KTN1: variants seen among roughly 807,000 people sequenced by gnomAD.
The protein encoded by KTN1 is kinectin 1.
KTN1 carries 130 observed loss-of-function variants against 222.5 expected under a neutral mutation model. That is an observed-to-expected ratio of 0.58 (90% CI 0.51 to 0.68). The LOEUF is 0.68. KTN1 is among the 30% of genes least tolerant of loss of function. KTN1 has a pLI of 0.00. For synonymous variants in KTN1, 512 were observed against 496.3 expected (o/e 1.03, Z -0.42); for missense variants, 1,508 against 1,500.4 (o/e 1.01, Z -0.08).
intron 35 of KTN1, among the ~76,000 whole-genome samples, chr14:55,671,089 G>T (rs775220348): frequency 3.3e-5 from 5 of 151,986 alleles, no homozygotes; most frequent in South Asian, 4.2e-4. Flanking sequence ...TTTAGCCTAG[G>T]TTTAAAAAGT....
intron 18 of KTN1, among the ~76,000 whole-genome samples, chr14:55,646,732 A>G (rs2274078): frequency 6.6e-6 from 1 of 151,586 alleles, no homozygotes; most frequent in African/African-American, 2.4e-5. Flanking sequence ...TTCATAAGAT[A>G]CTAATTCATT....
intron 7 of KTN1, among the ~76,000 whole-genome samples, chr14:55,632,235 A>T (rs1028056113): frequency 6.6e-6 from 1 of 152,212 alleles, no homozygotes; most frequent in Non-Finnish European, 1.5e-5. Context: ...TACTTGTAGC[A>T]GCATCTTTTG....
At chr14:55,630,326 A>G (rs1324916212) in intron 7 of KTN1, among the ~76,000 whole-genome samples, 1 of 152,228 alleles carries the variant, frequency 6.6e-6, no homozygotes, top group African/African-American at 2.4e-5. Context: ...CTTTAGAGCA[A>G]TGGTGATGGG....
intron 8 of KTN1, 75 bp downstream of exon 8, chr14:55,633,416 T>C: frequency 1.2e-6 from 1 of 811,130 alleles, no homozygotes; most frequent in Non-Finnish European, 1.8e-6. Flanking sequence ...TTAATAGCGT[T>C]TGATAGTAAT....
At chr14:55,636,599 T>C in intron 10 of KTN1, 63 bp downstream of exon 10, 1 of 1,205,672 alleles carries the variant, frequency 8.3e-7, no homozygotes, top group Non-Finnish European at 1.2e-6. Flanking sequence ...TCCTCTCTCT[T>C]CCATCTGTGA....
chr14:55,666,629 T>A (rs1337307119), intron 33 of KTN1, among the ~76,000 whole-genome samples: 4 of 151,908 alleles, frequency 2.6e-5, no homozygotes, highest in African/African-American at 9.7e-5. Flanking sequence ...TCAGAACTAG[T>A]TTTTATGATG....
chr14:55,591,706 A>T (rs2034179997), intron 1 of KTN1, among the ~76,000 whole-genome samples: 1 of 148,364 alleles, frequency 6.7e-6, no homozygotes, highest in Non-Finnish European at 1.5e-5. Flanking sequence ...CTCCTGCCTC[A>T]GCTGGGATTA....
chr14:55,646,437 T>G (rs1198063542), intron 18 of KTN1, among the ~76,000 whole-genome samples: 1 of 96,372 alleles, frequency 1.0e-5, no homozygotes. Context: ...CTTCCTTTCC[T>G]TTCCTTTTCC....
chr14:55,603,905 C>A (rs1318515663), intron 1 of KTN1, among the ~76,000 whole-genome samples: 2 of 152,162 alleles, frequency 1.3e-5, no homozygotes, highest in South Asian at 4.1e-4. Context: ...TTCTCTCGTA[C>A]CCCACATCCA....
chr14:55,643,625 T>C (rs1471612687), intron 18 of KTN1, among the ~76,000 whole-genome samples: 1 of 152,190 alleles, frequency 6.6e-6, no homozygotes, highest in Non-Finnish European at 1.5e-5. Context: ...TCTAGTAGTA[T>C]CCAGGTGCTG....
Position 55,661,514 on chromosome 14 carries a change from TG to T in KTN1, c.3000-6del. On this transcript the variant is annotated splice_polypyrimidine_tract_variant and splice_region_variant and intron_variant, in intron 31 of 43. Transcript: ENST00000395314. ...AATCTTGCTACATGTATTCATGTTC[TG>T]GTTTAGAATTTCAGAAAGAGAGAAA... 6.7e-7 allele frequency: 1 copy of T among 1,494,708 alleles called. No individual in the cohort carries two copies. The highest frequency in any genetic ancestry group is 1.4e-5 in the African/African-American group (1 of 72,760). The allele number at this position is 1,494,708 out of a possible 1,614,324, so 92.6% of individuals were successfully genotyped here. A position where few individuals can be genotyped will look rare whatever the true frequency, so the allele number is the denominator to read the frequency against.
At position 55,646,937 on chromosome 14, in the gene KTN1, G is replaced by A. The variant is rs574860939; in HGVS notation, c.2173-36G>A. 2.5e-5 allele frequency: 34 copies of A among 1,359,810 alleles called. No individual in the cohort carries two copies. In the South Asian group the frequency reaches 3.5e-4, roughly 14 times the overall value. 84.2% of individuals were successfully genotyped at this position (1,359,810 alleles called of 1,614,324 possible). A position where few individuals can be genotyped will look rare whatever the true frequency, so the allele number is the denominator to read the frequency against. Reference sequence around the variant, plus strand: ...TCTGGTTTTACTTCATGCAAATTTGGTAAAGTTAAACTTTTTTTGGTGATT... The same window carrying A: ...TCTGGTTTTACTTCATGCAAATTTGATAAAGTTAAACTTTTTTTGGTGATT... On this transcript the variant is annotated intron_variant, in intron 18 of 43. Coordinates refer to ENST00000395314, the MANE Select transcript of KTN1 (RefSeq NM_001079521.2).
chr14:55,673,115 A>G, intron 39 of KTN1, 57 bp from the exon 40 acceptor site: 2 of 1,500,690 alleles, frequency 1.3e-6, no homozygotes, highest in South Asian at 2.3e-5. Context: ...TCCGAGTAGC[A>G]TACAAAACAT....
rs562490653 is a variant in KTN1 at position 55,639,624 on chromosome 14, AATTTTGC to A, written c.1824-286_1824-280del. On this transcript the variant is annotated intron_variant, in intron 13 of 43. Transcript: ENST00000395314. Reference sequence around the variant, plus strand: ...GTTATATGCTTTTTTTGTGCCGTATAATTTTGCATGGACACTGATCACTTGAGTTCGG... The same window carrying A: ...GTTATATGCTTTTTTTGTGCCGTATAATGGACACTGATCACTTGAGTTCGG... Among the ~76,000 whole-genome samples, 65 of 151,892 alleles carry A rather than the reference AATTTTGC, an allele frequency of 4.3e-4. No individual in the cohort carries two copies. The East Asian group carries it at 0.012, about 28-fold the overall frequency.
intron 5 of KTN1, 89 bp from the exon 6 acceptor site, chr14:55,627,823 C>T (rs2040034189): frequency 3.9e-6 from 3 of 763,982 alleles, no homozygotes; most frequent in Non-Finnish European, 4.6e-6. Flanking sequence ...CATAGTATTC[C>T]ATGGTGTATA....
chr14:55,654,558 T>A (rs1199842568), intron 28 of KTN1, among the ~76,000 whole-genome samples: 2 of 152,098 alleles, frequency 1.3e-5, no homozygotes, highest in East Asian at 3.9e-4. Flanking sequence ...TTTTTGCCAT[T>A]TTCTTTTTTA....
chr14:55,667,628 G>A (rs533420135), intron 34 of KTN1: 4 of 175,632 alleles, frequency 2.3e-5, no homozygotes, highest in Non-Finnish European at 4.7e-5. Flanking sequence ...CATTCTTAAT[G>A]GCTTTATTTA....
Position 55,665,978 on chromosome 14 carries a change from G to T in KTN1, c.3178-1263G>T, listed in dbSNP as rs1393974549. 2.6e-5 allele frequency among the ~76,000 whole-genome samples: 4 copies of T among 151,434 alleles called. No individual in the cohort carries two copies. In the South Asian group the frequency reaches 8.3e-4, roughly 31 times the overall value. On this transcript the variant is annotated intron_variant, in intron 33 of 43. Coordinates refer to ENST00000395314, the MANE Select transcript of KTN1 (RefSeq NM_001079521.2). ...TTCCTCAGTGTCTCTTTTCCTAACC[G>T]GTTTTCTTTAAAGATTAGTACTTTG...
At chr14:55,661,749 GT>G (rs1238690065) in intron 32 of KTN1, 137 bp downstream of exon 32, 8 of 455,368 alleles carry the variant, frequency 1.8e-5, no homozygotes, top group African/African-American at 1.6e-4. Flanking sequence ...TCTGTGTGTA[GT>G]TTTTTCGGGG....
Sources: allele counts gnomAD v4.1 joint callset (sites outside exome capture counted in the v4.1 genomes callset), GRCh38; gene constraint gnomAD v4.1.1; transcripts MANE v1.5; gene names NCBI Gene and HGNC (gene_info 2026-07-23, HGNC 2026-07-21).